Variants in SV2C observed in about 807,000 individuals in gnomAD.
The protein encoded by SV2C is synaptic vesicle glycoprotein 2C.
Under a neutral mutation model 79.7 loss-of-function variants are expected in SV2C, and 49 were observed. The observed-to-expected ratio is 0.61, with a 90% confidence interval of 0.49 to 0.78. SV2C has a LOEUF of 0.78. Among genes scored for constraint, SV2C ranks in the 30% least tolerant of loss-of-function variants. SV2C has a pLI of 0.00. For synonymous variants in SV2C, 334 were observed against 333.2 expected, an observed-to-expected ratio of 1.00 and a Z score of -0.03; for missense variants, 833 against 912.9, an observed-to-expected ratio of 0.91 and a Z score of 1.13.
upstream of SV2C, chr5:76,079,080 T>C (rs548289967): frequency 1.6e-4 from 63 of 388,800 alleles, 1 homozygote; most frequent in Middle Eastern, 9.3e-4. Flanking sequence ...ATGACATAGA[T>C]GAAGTGGTGT....
At chr5:76,164,032 T>A (rs1173384153) in intron 2 of SV2C, among the ~76,000 whole-genome samples, 1 of 152,214 alleles carries the variant, frequency 6.6e-6, no homozygotes, top group African/African-American at 2.4e-5. Flanking sequence ...TTCACCCTAC[T>A]GTCTTCTGAA....
the SV2C span, among the ~76,000 whole-genome samples, chr5:75,968,781 C>A: frequency 7.9e-5 from 12 of 152,168 alleles, no homozygotes; most frequent in Admixed American, 2.6e-4. Context: ...ACTTCCCCAA[C>A]CTATCAAAGT....
intron 2 of SV2C, among the ~76,000 whole-genome samples, chr5:76,173,068 CAA>C (rs200424377): frequency 0.03 from 3,940 of 131,040 alleles, 272 homozygotes; most frequent in African/African-American, 0.094. Context: ...AAAAAAAATA[CAA>C]AAAAAAAAAA....
chr5:76,298,707 A>AT lies in SV2C; in HGVS notation c.1503-85dup, dbSNP rs1452872061. On this transcript the variant is annotated intron_variant, in intron 9 of 12. Transcript: ENST00000502798. ...TAATTAAGACAGTCCATAGTGGGGC[A>AT]TTCCATCTCTAAAACTATTTGACTT... is the stretch of plus-strand genomic sequence containing the variant. 3.4e-6 allele frequency: 5 copies of AT among 1,482,926 alleles called. No homozygotes were observed. In the East Asian group the frequency reaches 1.1e-4, roughly 34 times the overall value. 91.9% of individuals were successfully genotyped at this position (1,482,926 alleles called of 1,614,324 possible).
rs368423977 is a variant in SV2C, at chr5:76,120,284, C to T, written c.-101-11366C>T. Among the ~76,000 whole-genome samples the T allele has an allele frequency of 3.4e-5, 5 of 146,908 alleles. No homozygotes were observed. The South Asian group carries it at 6.5e-4, about 19-fold the overall frequency. On this transcript the variant is annotated intron_variant, in intron 1 of 12. Transcript: ENST00000502798. ...AGAGTGAAAAAGTCAAATAACATTT[C>T]TTTTTTTTTTCAGCTACGCATCAAA...
At chr5:76,227,927 C>T (rs1259295363) in intron 4 of SV2C, among the ~76,000 whole-genome samples, 1 of 152,212 alleles carries the variant, frequency 6.6e-6, no homozygotes, top group Non-Finnish European at 1.5e-5. Flanking sequence ...TCTGCAGGAG[C>T]TTACACGCGG....
intron 1 of SV2C, among the ~76,000 whole-genome samples, chr5:76,130,539 G>A (rs1442467981): frequency 1.3e-5 from 2 of 152,182 alleles, no homozygotes; most frequent in African/African-American, 2.4e-5. Flanking sequence ...AAGGCTTGGG[G>A]AGTTAATGAT....
rs141984153 is a variant in SV2C at position 76,295,842 on chromosome 5, T to C, written c.1402T>C (p.Leu468=). 100 of 1,613,610 alleles carry C rather than the reference T, an allele frequency of 6.2e-5. No individual in the cohort carries two copies. In the African/African-American group the frequency reaches 1.1e-3, roughly 17 times the overall value. Residue 468 remains leucine (L), a synonymous_variant, in exon 9 of 13, where the codon TTG becomes CTG. Coordinates refer to ENST00000502798, the MANE Select transcript of SV2C (RefSeq NM_014979.4). ...IKPLQSDEYA[L]LTRNVERDKY... is the part of the protein sequence containing the mutation. ...ACCTCTGCAGTCCGATGAATATGCATTGCTAACCAGAAATGTGGAGAGAGA... is the reference window on the plus strand; with the variant it reads ...ACCTCTGCAGTCCGATGAATATGCACTGCTAACCAGAAATGTGGAGAGAGA...
rs371789201 is a variant in SV2C at position 76,323,483 on chromosome 5, C to T, written c.2001-1881C>T. On this transcript the variant is annotated intron_variant, in intron 12 of 12. Transcript: ENST00000502798. The stretch of plus-strand genomic sequence containing the variant: ...CACTGTGGAAGACAGTACAGCGATT[C>T]CTCAAGGATCTAGAACCAGAAATAC... Among the ~76,000 whole-genome samples the T allele has an allele frequency of 1.3e-3, 197 of 152,320 alleles. 5 individuals carry two copies. In the South Asian group the frequency reaches 0.038, roughly 30 times the overall value.
At chr5:75,984,460 G>C in the SV2C span, among the ~76,000 whole-genome samples, 1 of 152,042 alleles carries the variant, frequency 6.6e-6, no homozygotes, top group Non-Finnish European at 1.5e-5. Flanking sequence ...TATAGATAAA[G>C]AAGTTAAAAA....
chr5:76,146,358 C>A (rs534931096), intron 2 of SV2C, among the ~76,000 whole-genome samples: 1 of 152,254 alleles, frequency 6.6e-6, no homozygotes, highest in African/African-American at 2.4e-5. Context: ...CTGCTGGTTG[C>A]CCATTTTTAT....
the SV2C span, among the ~76,000 whole-genome samples, chr5:75,908,594 G>A: frequency 6.6e-6 from 1 of 152,196 alleles, no homozygotes; most frequent in African/African-American, 2.4e-5. Flanking sequence ...CATATGGTAG[G>A]AAGGGGAGAG....
chr5:75,974,219 C>T, the SV2C span, among the ~76,000 whole-genome samples: 9 of 151,900 alleles, frequency 5.9e-5, no homozygotes, highest in Non-Finnish European at 1.2e-4. Flanking sequence ...ATGGCAGAAA[C>T]CCAGGTTCAG....
At chr5:76,006,882 T>A in the SV2C span, among the ~76,000 whole-genome samples, 1 of 152,136 alleles carries the variant, frequency 6.6e-6, no homozygotes, top group Non-Finnish European at 1.5e-5. Context: ...CTATCCAAAT[T>A]TCACTCACTC....
the SV2C span, among the ~76,000 whole-genome samples, chr5:75,870,662 G>A: frequency 2.0e-5 from 3 of 152,032 alleles, no homozygotes; most frequent in Non-Finnish European, 4.4e-5. Context: ...AGTACAAGAA[G>A]GTTAATAAAC....
At chr5:75,865,004 A>G in the SV2C span, among the ~76,000 whole-genome samples, 1 of 152,212 alleles carries the variant, frequency 6.6e-6, no homozygotes, top group Non-Finnish European at 1.5e-5. Context: ...AAGTTCACAG[A>G]AAGCTCCAGA....
In SV2C at chr5:76,301,558, G is replaced by A. The variant is rs1476180580; in HGVS notation, c.2000+13G>A. The A allele has an allele frequency of 2.5e-6, 4 of 1,609,608 alleles. No individual in the cohort carries two copies. Among genetic ancestry groups the A allele is most frequent in the Non-Finnish European group, 8.5e-7 (1 of 1,177,350 alleles). ...CCACAGACCGGAGGTATGTTGAAAT[G>A]GGCCTCTAGTAAGAGGCACTCTAAG... On this transcript the variant is annotated intron_variant, in intron 12 of 12. Transcript: ENST00000502798.
chr5:76,105,504 G>A (rs1747881307), intron 1 of SV2C, among the ~76,000 whole-genome samples: 1 of 152,116 alleles, frequency 6.6e-6, no homozygotes, highest in African/African-American at 2.4e-5. Context: ...TCAGAAGTCT[G>A]AGTTTCAGCT....
intron 4 of SV2C, among the ~76,000 whole-genome samples, chr5:76,244,201 C>G (rs770266216): frequency 6.6e-6 from 1 of 152,320 alleles, no homozygotes; most frequent in Non-Finnish European, 1.5e-5. Context: ...GAACCAAACA[C>G]GGTAAGCTCT....
Sources: allele counts gnomAD v4.1 joint callset (sites outside exome capture counted in the v4.1 genomes callset), GRCh38; gene constraint gnomAD v4.1.1; transcripts MANE v1.5; gene names NCBI Gene and HGNC (gene_info 2026-07-23, HGNC 2026-07-21).